Variants in VWA8 observed in about 807,000 individuals in gnomAD.
VWA8 encodes the protein von Willebrand factor A domain containing 8.
A neutral mutation model predicts 241.5 loss-of-function variants in VWA8; 221 were observed. The observed-to-expected ratio is 0.91, with a 90% CI of 0.82 to 1.02. The LOEUF is 1.02. Ranked by LOEUF, VWA8 falls within the 50% of genes least tolerant of loss-of-function variation. The probability of loss-of-function intolerance (pLI) is 0.00; values close to 1 mark genes in which losing one functional copy is unlikely to be tolerated. For synonymous variants in VWA8, 852 were observed against 827.1 expected, an observed-to-expected ratio of 1.03 and a Z score of -0.52; for missense variants, 2,322 against 2,328.7, an observed-to-expected ratio of 1.00 and a Z score of 0.06.
rs965496653 is a variant in VWA8, at chr13:41,624,954, T to A, written c.4612-9870A>T. On this transcript the variant is annotated intron_variant, in intron 37 of 44. Coordinates refer to ENST00000379310, the MANE Select transcript of VWA8 (RefSeq NM_015058.2). Reference sequence around the variant, plus strand: ...TCTGCCCAAAGGCTCCTAGAACTGATAAACAACTTCAGTAAAGTTTCAGGA... The same window carrying A: ...TCTGCCCAAAGGCTCCTAGAACTGAAAAACAACTTCAGTAAAGTTTCAGGA... Among the ~76,000 whole-genome samples the A allele has an allele frequency of 3.9e-5, 6 of 152,198 alleles. No individual in the cohort carries two copies. The East Asian group carries it at 1.2e-3, about 29-fold the overall frequency.
At chr13:41,703,755 A>G (rs1190972173) in intron 26 of VWA8, among the ~76,000 whole-genome samples, 2 of 151,810 alleles carry the variant, frequency 1.3e-5, no homozygotes, top group African/African-American at 4.8e-5. Flanking sequence ...AAATTGGAGC[A>G]ATCTATCAAT....
intron 37 of VWA8, among the ~76,000 whole-genome samples, chr13:41,633,276 C>T (rs900883407): frequency 6.6e-6 from 1 of 152,172 alleles, no homozygotes; most frequent in Non-Finnish European, 1.5e-5. Context: ...GGTATGGATT[C>T]TAGGTGTAAA....
intron 36 of VWA8, among the ~76,000 whole-genome samples, chr13:41,673,863 T>A (rs949084395): frequency 3.9e-5 from 6 of 152,152 alleles, no homozygotes; most frequent in Non-Finnish European, 5.9e-5. Context: ...ATGGCAGGTA[T>A]AACATGTGAT....
intron 21 of VWA8, among the ~76,000 whole-genome samples, chr13:41,749,429 T>C (rs1006283160): frequency 6.6e-6 from 1 of 152,134 alleles, no homozygotes; most frequent in Non-Finnish European, 1.5e-5. Flanking sequence ...AGTTCAACCA[T>C]TGTGGAAGTC....
rs569540786 is a variant in VWA8 at position 41,713,445 on chromosome 13, C to T, written c.3116+6146G>A. On this transcript the variant is annotated intron_variant, in intron 26 of 44. Coordinates refer to ENST00000379310, the MANE Select transcript of VWA8 (RefSeq NM_015058.2). ...AATATTGGCTATTATGGTCTTAGAA[C>T]GTGTTAATTCAAAGTTACCTTATTT... Among the ~76,000 whole-genome samples, 19 of 152,152 alleles carry T rather than the reference C, an allele frequency of 1.2e-4. 1 individual carries two copies. Among genetic ancestry groups the T allele is most frequent in the Admixed American group, 3.9e-4 (6 of 15,274 alleles).
At chr13:41,894,375 G>C (rs1263011166) in intron 4 of VWA8, among the ~76,000 whole-genome samples, 1 of 152,162 alleles carries the variant, frequency 6.6e-6, no homozygotes, top group Non-Finnish European at 1.5e-5. Context: ...TGACCACAAA[G>C]TTGAAAAAGT....
chr13:41,738,445 A>C (rs1267493419), intron 21 of VWA8, among the ~76,000 whole-genome samples: 1 of 152,140 alleles, frequency 6.6e-6, no homozygotes, highest in Admixed American at 6.5e-5. Context: ...ACATTTCAAA[A>C]TGTGTTTAGT....
chr13:41,925,406 G>A (rs562587688), intron 2 of VWA8, among the ~76,000 whole-genome samples: 6 of 152,262 alleles, frequency 3.9e-5, no homozygotes, highest in South Asian at 2.1e-4. Context: ...TCTCTAGTAC[G>A]AAGGTTAAAA....
At chr13:41,576,310 C>T (rs1309657175) in intron 42 of VWA8, among the ~76,000 whole-genome samples, 2 of 152,144 alleles carry the variant, frequency 1.3e-5, no homozygotes, top group Admixed American at 1.3e-4. Context: ...AGAGAGTTTG[C>T]AATCAAGTTG....
At chr13:41,730,464 G>C (rs2045473662) in intron 22 of VWA8, among the ~76,000 whole-genome samples, 1 of 151,486 alleles carries the variant, frequency 6.6e-6, no homozygotes, top group South Asian at 2.1e-4. Flanking sequence ...CCAAAAAGTG[G>C]TTTGGGAATC....
chr13:41,826,983 G>T (rs188972555), intron 14 of VWA8, among the ~76,000 whole-genome samples: 1 of 152,140 alleles, frequency 6.6e-6, no homozygotes, highest in East Asian at 1.9e-4. Flanking sequence ...GAAGTGTTTG[G>T]GATTAAAAAT....
intron 37 of VWA8, among the ~76,000 whole-genome samples, chr13:41,642,103 C>A (rs1322725963): frequency 6.6e-6 from 1 of 152,158 alleles, no homozygotes; most frequent in Non-Finnish European, 1.5e-5. Flanking sequence ...GTAGACATAA[C>A]CCAGCCTCTT....
In VWA8 at chr13:41,702,013, T is replaced by C. The variant is rs552166882; in HGVS notation, c.3226-483A>G. Among the ~76,000 whole-genome samples the C allele has an allele frequency of 7.4e-4, 112 of 152,350 alleles. 1 individual carries two copies. The highest frequency in any genetic ancestry group is 2.4e-3 in the African/African-American group (99 of 41,584). ...AATGCAAAACATGTGGCATTTGAAA[T>C]TTTTTAAAAAACCAAACTTACTGAT... is the stretch of plus-strand genomic sequence containing the variant. On this transcript the variant is annotated intron_variant, in intron 27 of 44. Coordinates refer to ENST00000379310, the MANE Select transcript of VWA8 (RefSeq NM_015058.2).
At chr13:41,807,018 T>C (rs1870242650) in intron 17 of VWA8, among the ~76,000 whole-genome samples, 1 of 151,880 alleles carries the variant, frequency 6.6e-6, no homozygotes. Context: ...GTTAGAACTG[T>C]TACCACAGAA....
intron 18 of VWA8, among the ~76,000 whole-genome samples, chr13:41,784,739 T>C (rs75742767): frequency 0.29 from 22,294 of 75,730 alleles, 3,930 homozygotes; most frequent in East Asian, 0.56. Flanking sequence ...TACACACACA[T>C]ATATATATAT....
intron 9 of VWA8, among the ~76,000 whole-genome samples, chr13:41,874,409 A>G (rs1401595347): frequency 2.6e-5 from 4 of 152,172 alleles, no homozygotes; most frequent in African/African-American, 9.7e-5. Context: ...CTGTTTGCAG[A>G]TGACATGACT....
chr13:41,619,032 G>A (rs2044639896), intron 37 of VWA8, among the ~76,000 whole-genome samples: 1 of 152,156 alleles, frequency 6.6e-6, no homozygotes, highest in South Asian at 2.1e-4. Flanking sequence ...TCGCTTGATG[G>A]GGATGGCATT....
intron 17 of VWA8, among the ~76,000 whole-genome samples, chr13:41,798,879 A>G (rs182346806): frequency 1.4e-3 from 220 of 152,000 alleles, no homozygotes; most frequent in South Asian, 8.1e-3. Context: ...CCTCCACTTC[A>G]TTCTCTTTTC....
rs189890996 is a variant in VWA8, at chr13:41,880,018, T to C, written c.1080+3369A>G. ...GCCAAGGGTCAACACTTTAAACATATAGTTATAAGACATTTTAGAGTGTGA... is the reference window on the plus strand; with the variant it reads ...GCCAAGGGTCAACACTTTAAACATACAGTTATAAGACATTTTAGAGTGTGA... On this transcript the variant is annotated intron_variant, in intron 9 of 44. Coordinates refer to ENST00000379310, the MANE Select transcript of VWA8 (RefSeq NM_015058.2). 4.4e-3 allele frequency among the ~76,000 whole-genome samples: 664 copies of C among 152,314 alleles called. 17 individuals carry two copies. The highest frequency in any genetic ancestry group is 1.7e-3 in the East Asian group (9 of 5,188).
Sources: gnomAD v4.1 joint callset for allele counts (sites outside exome capture counted in the v4.1 genomes callset) on GRCh38, gnomAD v4.1.1 for gene constraint, MANE v1.5 for transcripts, NCBI Gene and HGNC (gene_info 2026-07-23, HGNC 2026-07-21) for gene names.